MAP2K5: variants seen among roughly 807,000 people sequenced by gnomAD.
MAP2K5 encodes the protein mitogen-activated protein kinase kinase 5.
Under a neutral mutation model 83.1 loss-of-function variants are expected in MAP2K5, and 49 were observed. The ratio of observed to expected loss-of-function variants is 0.59; its 90% confidence interval spans 0.47 to 0.75. MAP2K5 has a LOEUF of 0.75. Among genes scored for constraint, MAP2K5 ranks in the 30% least tolerant of loss-of-function variants. The pLI is 0.00. For synonymous variants in MAP2K5, 202 were observed against 191.8 expected, an observed-to-expected ratio of 1.05 and a Z score of -0.44; for missense variants, 457 against 557.5, an observed-to-expected ratio of 0.82 and a Z score of 1.82.
At position 67,637,804 on chromosome 15, in the gene MAP2K5, C is replaced by G. The variant is rs1238907748; in HGVS notation, c.585+6877C>G. ...CTCCCTGCACTGAGGCCTGGGAACTCTCTGGTCAGCAAGCTGGGCAATCAT... is the reference window on the plus strand; with the variant it reads ...CTCCCTGCACTGAGGCCTGGGAACTGTCTGGTCAGCAAGCTGGGCAATCAT... On this transcript the variant is annotated intron_variant, in intron 9 of 21. Transcript: ENST00000178640. This position sits in a 1 kb window ranked among gnomAD's most constrained non-coding sequence, Gnocchi z 4.5. Among the ~76,000 whole-genome samples, 1 of 152,068 alleles carries G rather than the reference C, an allele frequency of 6.6e-6. No homozygotes were observed. The highest frequency in any genetic ancestry group is 1.5e-5 in the Non-Finnish European group (1 of 68,014).
intron 13 of MAP2K5, chr15:67,670,399 A>C (rs1269854786): frequency 2.2e-6 from 1 of 455,470 alleles, no homozygotes; most frequent in African/African-American, 2.0e-5. Context: ...TGGTAGTTAC[A>C]TGGTTATATG....
chr15:67,700,438 A>T (rs985834775), intron 15 of MAP2K5, among the ~76,000 whole-genome samples: 2 of 152,216 alleles, frequency 1.3e-5, no homozygotes, highest in African/African-American at 4.8e-5. Flanking sequence ...GACAGCTGTC[A>T]TGTGAGAGAG....
At chr15:67,558,288 G>A (rs1230571933) in intron 2 of MAP2K5, among the ~76,000 whole-genome samples, 3 of 152,106 alleles carry the variant, frequency 2.0e-5, no homozygotes, top group African/African-American at 7.2e-5. Context: ...GAAGTAATAA[G>A]GATAAGCTTT....
Position 67,646,255 on chromosome 15 carries a change from G to C in MAP2K5, c.610G>C (p.Glu204Gln). 1 of 1,420,824 alleles carries C rather than the reference G, an allele frequency of 7.0e-7. No individual in the cohort carries two copies. Among genetic ancestry groups the C allele is most frequent in the Non-Finnish European group, 9.8e-7 (1 of 1,019,310 alleles). The allele number at this position is 1,420,824 out of a possible 1,614,324, so 88.0% of individuals were successfully genotyped here. ...VKVILLDITLELQKQIMSELE... is the reference protein window; with the variant it reads ...VKVILLDITLQLQKQIMSELE... ...GGTCATACTACTAGATATTACACTG[G>C]AACTTCAGAAGCAAATTATGTCTGA... Residue 204 changes from glutamate (E) to glutamine (Q), a missense_variant, in exon 10 of 22, where the codon GAA becomes CAA. By Grantham distance (29) the Glu-to-Gln change is conservative (BLOSUM62 2). Transcript: ENST00000178640.
chr15:67,692,502 G>A lies in MAP2K5; in HGVS notation c.871G>A (p.Val291Ile), dbSNP rs1394937700. 6.2e-7 allele frequency: 1 copy of A among 1,613,606 alleles called. No individual in the cohort carries two copies. The highest frequency in any genetic ancestry group is 8.5e-7 in the Non-Finnish European group (1 of 1,179,628). Residue 291 changes from valine to isoleucine, a missense_variant, in exon 14 of 22, where the codon GTA becomes ATA. Physicochemically the swap from Val to Ile is conservative, Grantham distance 29 (BLOSUM62 3). Around this residue, in one of 3 missense-constraint regions of MAP2K5, gnomAD observed 168 missense variants for 263.0 expected, o/e 0.64. Transcript: ENST00000178640. Reference sequence around the variant, plus strand: ...AGACGTGAAGCCCTCCAATATGCTAGTAAACACAAGAGGACAGGTTAAGCT... The same window carrying A: ...AGACGTGAAGCCCTCCAATATGCTAATAAACACAAGAGGACAGGTTAAGCT... Reference protein sequence around the residue: ...HRDVKPSNMLVNTRGQVKLCD... With the variant: ...HRDVKPSNMLINTRGQVKLCD...
chr15:67,664,490 G>C, intron 12 of MAP2K5, 107 bp from the exon 13 acceptor site: 1 of 666,608 alleles, frequency 1.5e-6, no homozygotes, highest in Non-Finnish European at 2.6e-6. Context: ...GTGACAGGGT[G>C]ACACCCTGTC....
rs1352614992 is a variant in MAP2K5, at chr15:67,781,003, A to G, written c.1242+8251A>G. 2.0e-5 allele frequency among the ~76,000 whole-genome samples: 3 copies of G among 152,220 alleles called. No homozygotes were observed. The highest frequency in any genetic ancestry group is 7.2e-5 in the African/African-American group (3 of 41,464). ...TAGAGGAGACCTCCTGGCTAGCACCATCTTTGCCTGTTAGATTGATGACAG... is the reference window on the plus strand; with the variant it reads ...TAGAGGAGACCTCCTGGCTAGCACCGTCTTTGCCTGTTAGATTGATGACAG... On this transcript the variant is annotated intron_variant, in intron 21 of 21. Transcript: ENST00000178640. The surrounding 1 kb of genome is among the most constrained non-coding windows in gnomAD (Gnocchi z 4.0).
intron 4 of MAP2K5, among the ~76,000 whole-genome samples, chr15:67,583,914 T>A (rs2085236523): frequency 6.6e-6 from 1 of 151,984 alleles, no homozygotes; most frequent in Non-Finnish European, 1.5e-5. Context: ...GCTGGGCATT[T>A]TTTTTTAATT....
At position 67,717,648 on chromosome 15, in the gene MAP2K5, T is replaced by G. The variant is rs528744246; in HGVS notation, c.1045-10268T>G. Among the ~76,000 whole-genome samples, 3 of 152,292 alleles carry G rather than the reference T, an allele frequency of 2.0e-5. No homozygotes were observed. Among genetic ancestry groups the G allele is most frequent in the Admixed American group, 2.0e-4 (3 of 15,294 alleles). On this transcript the variant is annotated intron_variant, in intron 16 of 21. Coordinates refer to ENST00000178640, the MANE Select transcript of MAP2K5 (RefSeq NM_145160.3). The surrounding 1 kb of genome is among the most constrained non-coding windows in gnomAD (Gnocchi z 4.1). ...AGGAATCCTAGCAAGGCCCAGCCAT[T>G]CTATGTAGCATCAAAAGCCTCTCAT...
intron 8 of MAP2K5, among the ~76,000 whole-genome samples, chr15:67,623,654 A>G (rs1245780047): frequency 1.3e-5 from 2 of 151,016 alleles, no homozygotes; most frequent in Admixed American, 6.6e-5. Flanking sequence ...CTAGAGTGCA[A>G]TGGTGTGATC....
intron 2 of MAP2K5, among the ~76,000 whole-genome samples, chr15:67,558,341 A>G (rs2084667759): frequency 1.3e-5 from 2 of 152,186 alleles, no homozygotes; most frequent in South Asian, 4.1e-4. Context: ...TCTATCTTCA[A>G]ATTTATCCAG....
chr15:67,568,546 G>T (rs975659408), intron 3 of MAP2K5, among the ~76,000 whole-genome samples: 4 of 152,080 alleles, frequency 2.6e-5, no homozygotes, highest in Admixed American at 2.6e-4. Context: ...GGCAAGGCCT[G>T]GATACAGACT....
rs182123638 is a variant in MAP2K5 at position 67,668,742 on chromosome 15, G to T, written c.847+4097G>T. On this transcript the variant is annotated intron_variant, in intron 13 of 21. Coordinates refer to ENST00000178640, the MANE Select transcript of MAP2K5 (RefSeq NM_145160.3). This position sits in a 1 kb window ranked among gnomAD's most constrained non-coding sequence, Gnocchi z 4.0. Reference sequence around the variant, plus strand: ...TAAAAAATAGAAATGCAAGGGTAATGAGAATAGAATTTAGATTAAGAAAAT... The same window carrying T: ...TAAAAAATAGAAATGCAAGGGTAATTAGAATAGAATTTAGATTAAGAAAAT... 1.4e-4 allele frequency among the ~76,000 whole-genome samples: 21 copies of T among 152,176 alleles called. No homozygotes were observed. The highest frequency in any genetic ancestry group is 1.4e-3 in the Admixed American group (21 of 15,266).
chr15:67,792,328 A>G (rs1384250731), intron 21 of MAP2K5, among the ~76,000 whole-genome samples: 2 of 152,200 alleles, frequency 1.3e-5, no homozygotes, highest in African/African-American at 2.4e-5. Context: ...GGGTTAGACT[A>G]AACCTTTTAT....
intron 15 of MAP2K5, among the ~76,000 whole-genome samples, chr15:67,693,857 C>A (rs1466450489): frequency 1.3e-5 from 2 of 152,108 alleles, no homozygotes. Context: ...GCATACTGGC[C>A]ACTTTTCCAC....
chr15:67,581,826 A>G (rs566429129), intron 4 of MAP2K5, among the ~76,000 whole-genome samples: 2 of 152,268 alleles, frequency 1.3e-5, no homozygotes, highest in South Asian at 2.1e-4. Context: ...CAAGAATAAT[A>G]CTGCTCTTCC....
chr15:67,773,230 C>T (rs970522552), intron 21 of MAP2K5, among the ~76,000 whole-genome samples: 1 of 152,076 alleles, frequency 6.6e-6, no homozygotes, highest in African/African-American at 2.4e-5. Flanking sequence ...TACAAGGCTG[C>T]GAGTGCTGTG....
chr15:67,692,069 G>C (rs1379137644), intron 13 of MAP2K5, among the ~76,000 whole-genome samples: 1 of 152,160 alleles, frequency 6.6e-6, no homozygotes, highest in Non-Finnish European at 1.5e-5. Flanking sequence ...CTATTACTTA[G>C]ATAGGAGGAC....
In MAP2K5 at chr15:67,742,824, A is replaced by T. The variant is rs372682705; in HGVS notation, c.1075-5407A>T. ...GATTTACTTTGGCTCTTATACACCT[A>T]TGTGGTGTGGGACATGAGCTATGTC... On this transcript the variant is annotated intron_variant, in intron 17 of 21. Transcript: ENST00000178640. 6.6e-5 allele frequency among the ~76,000 whole-genome samples: 10 copies of T among 152,334 alleles called. No homozygotes were observed. In the East Asian group the frequency reaches 1.2e-3, roughly 18 times the overall value.
Sources: gnomAD v4.1 joint callset for allele counts (sites outside exome capture counted in the v4.1 genomes callset) on GRCh38, gnomAD v4.1.1 for gene constraint, gnomAD v4.1.1 regional missense constraint, Gnocchi (gnomAD v3.1) non-coding constraint, MANE v1.5 for transcripts, NCBI Gene and HGNC (gene_info 2026-07-23, HGNC 2026-07-21) for gene names.